The following ICA1L variants were observed in gnomAD, a reference collection of about 807,000 sequenced individuals.
ICA1L encodes islet cell autoantigen 1-like protein.
In ICA1L, 50 loss-of-function variants were observed where a neutral mutation model predicts 61.3. The observed-to-expected ratio is 0.82, with a 90% CI of 0.65 to 1.03. The LOEUF (loss-of-function observed/expected upper bound fraction) is 1.03. Ranked by LOEUF, ICA1L falls within the 50% of genes least tolerant of loss-of-function variation. The probability of loss-of-function intolerance (pLI) is 0.00; values close to 1 mark genes in which losing one functional copy is unlikely to be tolerated. For synonymous variants in ICA1L, 161 were observed against 191.3 expected, an observed-to-expected ratio of 0.84 and a Z score of 1.31; for missense variants, 508 against 556.7, an observed-to-expected ratio of 0.91 and a Z score of 0.88.
chr2:202,868,829 G>T (rs190775526), intron 1 of ICA1L, among the ~76,000 whole-genome samples: 125 of 152,050 alleles, frequency 8.2e-4, no homozygotes, highest in African/African-American at 2.8e-3. Context: ...TTAGCTGGGC[G>T]TGATGGCATG....
intron 1 of ICA1L, among the ~76,000 whole-genome samples, chr2:202,835,387 C>A (rs1383274636): frequency 6.1e-5 from 9 of 148,298 alleles, no homozygotes; most frequent in Admixed American, 6.0e-4. Flanking sequence ...TGTATTTTTA[C>A]TAGAGACAGG....
intron 9 of ICA1L, among the ~76,000 whole-genome samples, chr2:202,809,419 C>G (rs1057136582): frequency 6.6e-6 from 1 of 151,944 alleles, no homozygotes; most frequent in Admixed American, 6.6e-5. Context: ...AGAGGCCAAG[C>G]GGGTGGATCA....
intron 1 of ICA1L, among the ~76,000 whole-genome samples, chr2:202,832,823 T>A (rs1694050814): frequency 6.6e-6 from 1 of 151,858 alleles, no homozygotes; most frequent in Non-Finnish European, 1.5e-5. Flanking sequence ...AAGAGCAAAC[T>A]GAAGATGGCA....
chr2:202,831,350 GA>G (rs1484600939), intron 1 of ICA1L, among the ~76,000 whole-genome samples: 2 of 152,160 alleles, frequency 1.3e-5, no homozygotes, highest in Non-Finnish European at 2.9e-5. Context: ...AGCGTCTTGA[GA>G]GAAACTTAGT....
intron 8 of ICA1L, 53 bp downstream of exon 8, chr2:202,814,649 T>C (rs1038110036): frequency 1.8e-6 from 2 of 1,131,154 alleles, no homozygotes. Flanking sequence ...ATATATCATA[T>C]GATGGTATCC....
intron 1 of ICA1L, among the ~76,000 whole-genome samples, chr2:202,856,167 G>A (rs1242441669): frequency 2.0e-5 from 3 of 151,556 alleles, no homozygotes; most frequent in Non-Finnish European, 4.4e-5. Context: ...CCAAAACCTG[G>A]CACAACAAAA....
At chr2:202,864,511 G>A (rs536402881) in intron 1 of ICA1L, among the ~76,000 whole-genome samples, 73 of 152,150 alleles carry the variant, frequency 4.8e-4, no homozygotes, top group African/African-American at 1.6e-3. Flanking sequence ...GGGATTACAG[G>A]CGCCTACAGA....
intron 1 of ICA1L, among the ~76,000 whole-genome samples, chr2:202,865,260 G>C (rs929357053): frequency 1.8e-4 from 28 of 151,878 alleles, no homozygotes; most frequent in African/African-American, 6.8e-4. Flanking sequence ...CTTGAGGTCA[G>C]GGGTTCAAGA....
At chr2:202,822,972 T>C (rs1427544865) in intron 3 of ICA1L, among the ~76,000 whole-genome samples, 2 of 152,206 alleles carry the variant, frequency 1.3e-5, no homozygotes, top group African/African-American at 4.8e-5. Context: ...TTGAGAGATG[T>C]ACAGTTTACA....
intron 1 of ICA1L, among the ~76,000 whole-genome samples, chr2:202,842,879 AG>A (rs1263462432): frequency 2.0e-5 from 3 of 152,102 alleles, no homozygotes; most frequent in African/African-American, 7.2e-5. Flanking sequence ...TCTGTCTTTG[AG>A]TTCACATATT....
chr2:202,844,105 T>C (rs1181729625), intron 1 of ICA1L: 1 of 152,220 alleles, frequency 6.6e-6, no homozygotes, highest in Non-Finnish European at 1.5e-5. Flanking sequence ...ACAAGTATTT[T>C]TGCAGAAAAA....
chr2:202,774,276 C>G lies in ICA1L; in HGVS notation c.*5257G>C. 6 of 1,541,726 alleles carry G rather than the reference C, an allele frequency of 3.9e-6. No individual in the cohort carries two copies. Among genetic ancestry groups the G allele is most frequent in the Non-Finnish European group, 5.2e-6 (6 of 1,144,626 alleles). ...TCGGCCAAAGGCCGTGACCCCGACGCGTGCAGGCACCTACGGGCGACCGCG... is the reference window on the plus strand; with the variant it reads ...TCGGCCAAAGGCCGTGACCCCGACGGGTGCAGGCACCTACGGGCGACCGCG... On this transcript the variant is annotated 3_prime_UTR_variant, in exon 13 of 13. Coordinates refer to ENST00000358299, the MANE Select transcript of ICA1L (RefSeq NM_001288622.3).
At position 202,866,775 on chromosome 2, in the gene ICA1L, G is replaced by A. The variant is rs569249376; in HGVS notation, c.-8+4844C>T. Among the ~76,000 whole-genome samples the A allele has an allele frequency of 6.6e-5, 10 of 152,144 alleles. No individual in the cohort carries two copies. The South Asian group carries it at 1.2e-3, about 19-fold the overall frequency. The stretch of plus-strand genomic sequence containing the variant: ...AGTCTGGCCAATATGGTGAAACCCC[G>A]TCTCTATTAAAAATACAAAAAATTA... On this transcript the variant is annotated intron_variant, in intron 1 of 12. Transcript: ENST00000358299.
chr2:202,832,387 C>T (rs1206805816), intron 1 of ICA1L, among the ~76,000 whole-genome samples: 2 of 137,634 alleles, frequency 1.5e-5, no homozygotes, highest in Non-Finnish European at 3.0e-5. Context: ...GCGGAGGTTG[C>T]AGTGAGCCAC....
At chr2:202,784,609 G>A (rs1440038668) in intron 12 of ICA1L, among the ~76,000 whole-genome samples, 1 of 152,148 alleles carries the variant, frequency 6.6e-6, no homozygotes, top group Admixed American at 6.5e-5. Flanking sequence ...AACCAGTTGT[G>A]TTGTATCTGT....
rs1692311781 is a variant in ICA1L at position 202,778,985 on chromosome 2, G to A, written c.*548C>T. 6.6e-6 allele frequency: 1 copy of A among 152,458 alleles called. No homozygotes were observed. The highest frequency in any genetic ancestry group is 1.5e-5 in the Non-Finnish European group (1 of 68,024). 9.4% of individuals were successfully genotyped at this position (152,458 alleles called of 1,614,324 possible). A position where few individuals can be genotyped will look rare whatever the true frequency, so the allele number is the denominator to read the frequency against. On this transcript the variant is annotated 3_prime_UTR_variant, in exon 13 of 13. Transcript: ENST00000358299. ...CAAGTTTCTCTGTGATTTCATTAAA[G>A]CAAACTGAGTTCTCAAATCTTACTC...
Position 202,773,935 on chromosome 2 carries a change from T to G in ICA1L, c.*5598A>C, listed in dbSNP as rs1406577786. The G allele has an allele frequency of 3.4e-6, 4 of 1,163,276 alleles. No homozygotes were observed. The highest frequency in any genetic ancestry group is 1.5e-5 in the African/African-American group (1 of 65,856). The allele number at this position is 1,163,276 out of a possible 1,614,324, so 72.1% of individuals were successfully genotyped here. A position where few individuals can be genotyped will look rare whatever the true frequency, so the allele number is the denominator to read the frequency against. The stretch of plus-strand genomic sequence containing the variant: ...GTCAACGTAGAAAGAGACAGAAAGA[T>G]TCTTCTCTTCCGCTTATTACTTGCC... On this transcript the variant is annotated 3_prime_UTR_variant, in exon 13 of 13. Transcript: ENST00000358299.
At chr2:202,859,653 G>T (rs189772229) in intron 1 of ICA1L, among the ~76,000 whole-genome samples, 4 of 152,182 alleles carry the variant, frequency 2.6e-5, no homozygotes, top group South Asian at 2.1e-4. Context: ...CCACAGAGAG[G>T]TTACCATCTT....
At chr2:202,797,162 G>GTGTGTA (rs1374435872) in intron 9 of ICA1L, among the ~76,000 whole-genome samples, 198 bp from the exon 10 acceptor site, 4 of 146,276 alleles carry the variant, frequency 2.7e-5, no homozygotes, top group African/African-American at 5.1e-5. Flanking sequence ...GTGTGTGTGT[G>GTGTGTA]TATATGTATA....
Sources: allele counts gnomAD v4.1 joint callset (sites outside exome capture counted in the v4.1 genomes callset), GRCh38; gene constraint gnomAD v4.1.1; transcripts MANE v1.5; gene names NCBI Gene and HGNC (gene_info 2026-07-23, HGNC 2026-07-21).